The following PCDHGB5 variants were observed in gnomAD, a reference collection of about 807,000 sequenced individuals.
PCDHGB5 encodes protocadherin gamma-B5.
PCDHGB5 carries 48 observed loss-of-function variants against 62.9 expected under a neutral mutation model. The ratio of observed to expected loss-of-function variants is 0.76; its 90% confidence interval spans 0.61 to 0.97. The LOEUF (loss-of-function observed/expected upper bound fraction) is 0.97. Ranked by LOEUF, PCDHGB5 falls within the 50% of genes least tolerant of loss-of-function variation. The pLI is 0.00. For missense variants in PCDHGB5, 1,118 were observed against 1,198.6 expected (o/e 0.93, Z 0.99); for synonymous variants, 474 against 511.2 (o/e 0.93, Z 0.98).
chr5:141,399,751 G>C lies in PCDHGB5; in HGVS notation c.1624G>C (p.Val542Leu). The C allele has an allele frequency of 6.2e-7, 1 of 1,613,322 alleles. No individual in the cohort carries two copies. The highest frequency in any genetic ancestry group is 1.1e-5 in the South Asian group (1 of 91,062). ...GGGCTCGCCTGCGCTCAGCGCAAACGTGAGCCTGCGCGTGTTGGTGGGCGA... is the reference window on the plus strand; with the variant it reads ...GGGCTCGCCTGCGCTCAGCGCAAACCTGAGCCTGCGCGTGTTGGTGGGCGA... ...DQGSPALSANVSLRVLVGDRN... is the reference protein window; with the variant it reads ...DQGSPALSANLSLRVLVGDRN... The change falls in exon 1 of 4, where the codon GTG becomes CTG. Residue 542 changes from valine to leucine, a missense_variant. By Grantham distance (32) the Val-to-Leu change is conservative. Coordinates refer to ENST00000617380, the MANE Select transcript of PCDHGB5 (RefSeq NM_018925.3).
intron 1 of PCDHGB5, chr5:141,409,017 G>T (rs745981387): frequency 3.1e-6 from 5 of 1,613,840 alleles, no homozygotes; most frequent in Non-Finnish European, 4.2e-6. Flanking sequence ...CAGGATGAGG[G>T]GGTCAATGCT....
At chr5:141,433,099 C>T (rs1003269683) in intron 1 of PCDHGB5, 1 of 1,614,190 alleles carries the variant, frequency 6.2e-7, no homozygotes, top group Non-Finnish European at 8.5e-7. Context: ...ACATGCTCGT[C>T]AGCCAGGAGA....
rs756915110 is a variant in PCDHGB5, at chr5:141,490,431, T to C, written c.2398-4376T>C. 6 of 1,614,036 alleles carry C rather than the reference T, an allele frequency of 3.7e-6. No individual in the cohort carries two copies. In the South Asian group the frequency reaches 6.6e-5, roughly 18 times the overall value. ...TCTCTCCGGACCTGCCATTTCAGATTAAGCCTTCTGAGAACCACTACTCGC... is the reference window on the plus strand; with the variant it reads ...TCTCTCCGGACCTGCCATTTCAGATCAAGCCTTCTGAGAACCACTACTCGC... On this transcript the variant is annotated intron_variant, in intron 1 of 3. Transcript: ENST00000617380. The surrounding 1 kb of genome is among the most constrained non-coding windows in gnomAD (Gnocchi z 5.4).
chr5:141,433,048 G>T (rs777523454), intron 1 of PCDHGB5: 20 of 1,614,142 alleles, frequency 1.2e-5, no homozygotes, highest in Non-Finnish European at 1.5e-5. Flanking sequence ...CCACGGACTC[G>T]CGGAAGAGTC....
chr5:141,430,578 C>A (rs1561846151), intron 1 of PCDHGB5: 8 of 470,816 alleles, frequency 1.7e-5, no homozygotes, highest in East Asian at 1.0e-4. Flanking sequence ...AGCGGAGATC[C>A]TGCTCGCCTT....
intron 2 of PCDHGB5, among the ~76,000 whole-genome samples, chr5:141,496,753 A>G (rs2099771084): frequency 6.6e-6 from 1 of 152,166 alleles, no homozygotes; most frequent in Admixed American, 6.5e-5. Flanking sequence ...TTCAACAAAT[A>G]TTTATCGAGC....
rs888389135 is a variant in PCDHGB5 at position 141,487,089 on chromosome 5, C to T, written c.2398-7718C>T. 12 of 1,613,882 alleles carry T rather than the reference C, an allele frequency of 7.4e-6. No individual in the cohort carries two copies. Among genetic ancestry groups the T allele is most frequent in the Non-Finnish European group, 1.0e-5 (12 of 1,179,768 alleles). On this transcript the variant is annotated intron_variant, in intron 1 of 3. Coordinates refer to ENST00000617380, the MANE Select transcript of PCDHGB5 (RefSeq NM_018925.3). The surrounding 1 kb of genome is among the most constrained non-coding windows in gnomAD (Gnocchi z 5.0). The stretch of plus-strand genomic sequence containing the variant: ...GCTGTTCCTATCCCAGCTGACCTCC[C>T]ACCACAGAAGCTGGTCATTGTGGTA...
chr5:141,508,974 G>A (rs962653911), intron 3 of PCDHGB5, among the ~76,000 whole-genome samples: 2 of 152,128 alleles, frequency 1.3e-5, no homozygotes, highest in Non-Finnish European at 2.9e-5. Flanking sequence ...AAAGGGCTGG[G>A]GGTGGGGGCC....
chr5:141,423,085 G>A, intron 1 of PCDHGB5: 1 of 1,614,072 alleles, frequency 6.2e-7, no homozygotes, highest in Non-Finnish European at 8.5e-7. Flanking sequence ...ACTCTTCGCG[G>A]TGGGGGAGCA....
rs758540898 is a variant in PCDHGB5 at position 141,400,450 on chromosome 5, A to G, written c.2323A>G (p.Ile775Val). The G allele has an allele frequency of 3.7e-6, 6 of 1,613,982 alleles. No homozygotes were observed. The African/African-American group carries it at 5.3e-5, about 14-fold the overall frequency. ...TGAGCAATTGAGTTCAGGACAAGAC[A>G]TACTTTGTGGTGATTCATCTGGGGC... ...CSEQLSSGQDILCGDSSGALF... is the reference protein window; with the variant it reads ...CSEQLSSGQDVLCGDSSGALF... Residue 775 changes from isoleucine to valine, a missense_variant, in exon 1 of 4, where the codon ATA (isoleucine) becomes GTA (valine). Physicochemically the swap from Ile to Val is conservative, Grantham distance 29 (BLOSUM62 3). This residue lies in a region of PCDHGB5 where 1,034 missense variants were observed against 1,029.1 expected (regional missense o/e 1.00). Transcript: ENST00000617380.
chr5:141,403,788 A>G, intron 1 of PCDHGB5: 3 of 1,613,956 alleles, frequency 1.9e-6, no homozygotes, highest in South Asian at 1.1e-5. Context: ...AAAGTGGCAT[A>G]CAAATTCTGG....
At chr5:141,420,420 CAA>C (rs1462714732) in intron 1 of PCDHGB5, 2 of 1,201,950 alleles carry the variant, frequency 1.7e-6, no homozygotes, top group African/African-American at 3.2e-5. Context: ...ATTATTAAAA[CAA>C]AAGTTTAAAT....
At chr5:141,415,094 A>G in intron 1 of PCDHGB5, 1 of 1,613,530 alleles carries the variant, frequency 6.2e-7, no homozygotes, top group Non-Finnish European at 8.5e-7. Flanking sequence ...CTGGACAGAG[A>G]CGCGCTCAAG....
chr5:141,433,365 A>ATCTG, intron 1 of PCDHGB5: 1 of 523,830 alleles, frequency 1.9e-6, no homozygotes, highest in East Asian at 3.1e-5. Context: ...CTGCCTATCT[A>ATCTG]TCTATCTATC....
At chr5:141,474,332 G>A (rs1427828070) in intron 1 of PCDHGB5, among the ~76,000 whole-genome samples, 1 of 152,168 alleles carries the variant, frequency 6.6e-6, no homozygotes, top group Non-Finnish European at 1.5e-5. Flanking sequence ...TCACCCTGAT[G>A]TTTTGTTAAA....
intron 1 of PCDHGB5, among the ~76,000 whole-genome samples, chr5:141,444,714 CTTGGTGCCT>C (rs2098445168): frequency 6.6e-6 from 1 of 152,122 alleles, no homozygotes; most frequent in Non-Finnish European, 1.5e-5. Context: ...GTTGAATTTG[CTTGGTGCCT>C]TTGTTGAAAG....
intron 1 of PCDHGB5, among the ~76,000 whole-genome samples, chr5:141,460,104 T>C (rs2098982178): frequency 6.6e-6 from 1 of 151,986 alleles, no homozygotes; most frequent in African/African-American, 2.4e-5. Flanking sequence ...CATGTAATTA[T>C]ATATGATTTT....
chr5:141,465,251 A>T (rs1436627558), intron 1 of PCDHGB5, among the ~76,000 whole-genome samples: 1 of 152,214 alleles, frequency 6.6e-6, no homozygotes, highest in Non-Finnish European at 1.5e-5. Flanking sequence ...GCACTTTTGT[A>T]AGCAATGATA....
chr5:141,416,306 G>A (rs1186519939), intron 1 of PCDHGB5: 1 of 152,186 alleles, frequency 6.6e-6, no homozygotes, highest in Non-Finnish European at 1.5e-5. Flanking sequence ...CTATGTGGAA[G>A]ATATAGCATT....
Sources: gnomAD v4.1 joint callset for allele counts (sites outside exome capture counted in the v4.1 genomes callset) on GRCh38, gnomAD v4.1.1 for gene constraint, gnomAD v4.1.1 regional missense constraint, Gnocchi (gnomAD v3.1) non-coding constraint, MANE v1.5 for transcripts, NCBI Gene and HGNC (gene_info 2026-07-23, HGNC 2026-07-21) for gene names.